Variants in USO1 observed in about 807,000 individuals in gnomAD.
USO1 encodes general vesicular transport factor p115.
In USO1, 57 loss-of-function variants were observed where a neutral mutation model predicts 124.5. The ratio of observed to expected loss-of-function variants is 0.46; its 90% CI spans 0.37 to 0.57. USO1 has a LOEUF of 0.57. USO1 is among the 20% of genes least tolerant of loss of function. USO1 has a pLI of 0.00. For synonymous variants in USO1, 369 were observed against 362.8 expected, an observed-to-expected ratio of 1.02 and a Z score of -0.19; for missense variants, 900 against 1,040.6, an observed-to-expected ratio of 0.86 and a Z score of 1.86.
intron 8 of USO1, among the ~76,000 whole-genome samples, chr4:75,780,000 A>G (rs1258261468): frequency 6.6e-6 from 1 of 152,154 alleles, no homozygotes; most frequent in Non-Finnish European, 1.5e-5. Context: ...TACCATTCTG[A>G]AAATCCTAGG....
At chr4:75,741,886 T>C (rs1349784541) in intron 1 of USO1, among the ~76,000 whole-genome samples, 1 of 152,070 alleles carries the variant, frequency 6.6e-6, no homozygotes. Context: ...TGAGCTACCA[T>C]GCCCGGCCAC....
At chr4:75,729,442 C>T (rs1283344360) in intron 1 of USO1, among the ~76,000 whole-genome samples, 1 of 152,086 alleles carries the variant, frequency 6.6e-6, no homozygotes, top group African/African-American at 2.4e-5. Flanking sequence ...TGGGTTCAAG[C>T]AGTTCTCCTG....
In USO1 at chr4:75,793,730, A is replaced by C; in HGVS notation, c.1281A>C (p.Gly427=). 1 of 1,612,708 alleles carries C rather than the reference A, an allele frequency of 6.2e-7. No homozygotes were observed. Among genetic ancestry groups the C allele is most frequent in the Non-Finnish European group, 8.5e-7 (1 of 1,179,288 alleles). The stretch of plus-strand genomic sequence containing the variant: ...TTTCAGCTGGCCAGTTATTATGTGG[A>C]GGTTTGTTTTCTACTGATTCACTTT... ...NSVSAGQLLC[G]GLFSTDSLSN... Residue 427 remains glycine, a synonymous_variant, in exon 13 of 24, where the codon GGA becomes GGC. Transcript: ENST00000514213.
intron 10 of USO1, among the ~76,000 whole-genome samples, chr4:75,789,279 T>TTTC (rs1553901595): frequency 3.8e-5 from 2 of 53,068 alleles, no homozygotes; most frequent in African/African-American, 5.9e-5. Flanking sequence ...CTGTTTTGTG[T>TTTC]TGCTGTTGTT....
rs763313965 is a variant in USO1 at position 75,793,806 on chromosome 4, A to G, written c.1357A>G (p.Thr453Ala). The G allele has an allele frequency of 1.9e-6, 3 of 1,613,890 alleles. No homozygotes were observed. Among genetic ancestry groups the G allele is most frequent in the Non-Finnish European group, 2.5e-6 (3 of 1,179,882 alleles). ...ALAHALQENA[T>A]QKEQLLRVQL... ...TGCCCATGCGTTGCAAGAAAATGCC[A>G]CCCAGAAAGAACAGTTGCTCAGGGT... The change falls in exon 13 of 24, where the codon ACC (threonine) becomes GCC (alanine). Residue 453 changes from threonine to alanine, a missense_variant. By Grantham distance (58) the Thr-to-Ala change is moderately conservative. This residue lies in a region of USO1 where 538 missense variants were observed against 681.6 expected (regional missense o/e 0.79). Transcript: ENST00000514213.
At chr4:75,767,466 C>T (rs759690100) in intron 4 of USO1, 59 of 445,602 alleles carry the variant, frequency 1.3e-4, no homozygotes, top group Non-Finnish European at 2.1e-4. Context: ...AACTCTTGGC[C>T]GGGCATGGTG....
At chr4:75,798,026 C>CT (rs1220886287) in intron 13 of USO1, among the ~76,000 whole-genome samples, 2 of 152,120 alleles carry the variant, frequency 1.3e-5, no homozygotes, top group Non-Finnish European at 2.9e-5. Context: ...CTTTTGTGCT[C>CT]TTTAGGAGTG....
chr4:75,759,355 A>G (rs1289292129), intron 4 of USO1, among the ~76,000 whole-genome samples: 1 of 145,414 alleles, frequency 6.9e-6, no homozygotes, highest in Non-Finnish European at 1.5e-5. Context: ...GCACTTTGGG[A>G]GGCCGAGGCG....
chr4:75,798,449 A>G (rs559755607), intron 13 of USO1, among the ~76,000 whole-genome samples: 123 of 152,302 alleles, frequency 8.1e-4, no homozygotes, highest in Non-Finnish European at 1.2e-3. Context: ...TAACTTTCCA[A>G]TTTACATGGA....
chr4:75,781,650 T>G (rs1385901542), intron 8 of USO1, among the ~76,000 whole-genome samples: 3 of 152,234 alleles, frequency 2.0e-5, no homozygotes, highest in Admixed American at 1.3e-4. Context: ...TTGTGATACT[T>G]GCTTTATTGC....
Position 75,764,442 on chromosome 4 carries a change from A to G in USO1, c.296-5997A>G, listed in dbSNP as rs80083132. ...ATCTTGTTCAACTTTGTTTAATCCA[A>G]ATATATTTGTCCACAGGGGCTTAGT... is the stretch of plus-strand genomic sequence containing the variant. On this transcript the variant is annotated intron_variant, in intron 4 of 23. Transcript: ENST00000514213. Among the ~76,000 whole-genome samples the G allele has an allele frequency of 2.1e-3, 320 of 152,278 alleles. 2 individuals are homozygous for G. Among genetic ancestry groups the G allele is most frequent in the African/African-American group, 7.4e-3 (306 of 41,568 alleles).
At chr4:75,801,238 A>G in intron 17 of USO1, 38 bp downstream of exon 17, 1 of 1,505,466 alleles carries the variant, frequency 6.6e-7, no homozygotes, top group Non-Finnish European at 8.8e-7. Flanking sequence ...TCTGATTACC[A>G]ATAGGCACTT....
chr4:75,762,204 C>T (rs990566211), intron 4 of USO1, among the ~76,000 whole-genome samples: 1 of 127,922 alleles, frequency 7.8e-6, no homozygotes, highest in Non-Finnish European at 1.6e-5. Flanking sequence ...CAGAGTCTCA[C>T]TCTGTTGCCA....
At position 75,782,726 on chromosome 4, in the gene USO1, AAAC is replaced by A. The variant is rs1177443127; in HGVS notation, c.730_732del (p.Asn244del). 18 of 1,577,406 alleles carry A rather than the reference AAAC, an allele frequency of 1.1e-5. No homozygotes were observed. Among genetic ancestry groups the A allele is most frequent in the South Asian group, 3.5e-5 (3 of 85,800 alleles). Reference sequence around the variant, plus strand: ...TGATTTTGCTCCAAAACTTATTAAAAAACAACAACTCCAATCAAAATTTTTTTA... The same window carrying A: ...TGATTTTGCTCCAAAACTTATTAAAAAACAACTCCAATCAAAATTTTTTTA... On this transcript the variant is annotated inframe_deletion, in exon 9 of 24. Transcript: ENST00000514213.
chr4:75,786,533 T>C (rs1033235515), intron 9 of USO1, among the ~76,000 whole-genome samples: 4 of 152,208 alleles, frequency 2.6e-5, no homozygotes, highest in Non-Finnish European at 4.4e-5. Flanking sequence ...AATCATAGAA[T>C]CATAGGGATT....
intron 18 of USO1, among the ~76,000 whole-genome samples, 196 bp downstream of exon 18, chr4:75,804,468 C>A (rs192428607): frequency 1.7e-3 from 262 of 152,266 alleles, no homozygotes; most frequent in Admixed American, 6.3e-3. Flanking sequence ...AGATTGAAGT[C>A]CAAGCTTCTT....
intron 4 of USO1, among the ~76,000 whole-genome samples, chr4:75,767,685 A>C (rs1721805311): frequency 6.6e-6 from 1 of 152,178 alleles, no homozygotes; most frequent in South Asian, 2.1e-4. Flanking sequence ...ATCCATTTTG[A>C]GTTAATGGGT....
chr4:75,745,694 G>A (rs1436494670), intron 1 of USO1, among the ~76,000 whole-genome samples: 2 of 152,256 alleles, frequency 1.3e-5, no homozygotes, highest in African/African-American at 4.8e-5. Context: ...GAGGTCAGGA[G>A]TTCAAGACCA....
intron 17 of USO1, among the ~76,000 whole-genome samples, chr4:75,803,802 A>G (rs944807926): frequency 6.0e-5 from 9 of 150,854 alleles, no homozygotes; most frequent in Non-Finnish European, 1.0e-4. Context: ...ATACATACAT[A>G]TACTAAATTT....
Sources: gnomAD v4.1 joint callset for allele counts (sites outside exome capture counted in the v4.1 genomes callset) on GRCh38, gnomAD v4.1.1 for gene constraint, gnomAD v4.1.1 regional missense constraint, MANE v1.5 for transcripts, NCBI Gene and HGNC (gene_info 2026-07-23, HGNC 2026-07-21) for gene names.